Variants in CREB3L2 observed in about 807,000 individuals in gnomAD.
CREB3L2 encodes cyclic AMP-responsive element-binding protein 3-like protein 2.
CREB3L2 carries 23 observed loss-of-function variants against 57.2 expected under a neutral mutation model. The observed-to-expected ratio is 0.40, with a 90% confidence interval of 0.29 to 0.57. The LOEUF is 0.57. Among genes scored for constraint, CREB3L2 ranks in the 20% least tolerant of loss-of-function variants. The pLI is 0.42. For synonymous variants in CREB3L2, 268 were observed against 265.1 expected (o/e 1.01, Z -0.11); for missense variants, 628 against 634.7 (o/e 0.99, Z 0.11).
At chr7:137,969,561 C>T (rs1269869588) in intron 1 of CREB3L2, among the ~76,000 whole-genome samples, 4 of 151,836 alleles carry the variant, frequency 2.6e-5, no homozygotes, top group Admixed American at 2.0e-4. Context: ...CCATGTTAAC[C>T]GGGATGGTCT....
intron 1 of CREB3L2, chr7:137,953,540 G>C (rs1055976899): frequency 1.6e-6 from 2 of 1,287,748 alleles, no homozygotes; most frequent in African/African-American, 3.0e-5. Context: ...CGGGTTTGCA[G>C]AGGAGGGGAG....
intron 1 of CREB3L2, among the ~76,000 whole-genome samples, chr7:137,969,541 C>T (rs924866315): frequency 7.3e-5 from 11 of 151,566 alleles, no homozygotes; most frequent in East Asian, 1.9e-4. Flanking sequence ...TTAGTAGAGA[C>T]GGGATTTCAC....
chr7:137,979,521 C>T (rs55697037), intron 1 of CREB3L2, among the ~76,000 whole-genome samples: 2 of 152,138 alleles, frequency 1.3e-5, no homozygotes, highest in Admixed American at 6.5e-5. Flanking sequence ...GTCAGGAGAT[C>T]GAGACCATCC....
rs1491237233 is a variant in CREB3L2 at position 137,922,415 on chromosome 7, T to TATATATATATAC, written c.319+5734_319+5735insGTATATATATAT. 7.8e-4 allele frequency among the ~76,000 whole-genome samples: 18 copies of TATATATATATAC among 23,144 alleles called. 1 individual carries two copies. Among genetic ancestry groups the TATATATATATAC allele is most frequent in the African/African-American group, 2.3e-3 (17 of 7,374 alleles). The allele number at this position is 23,144 out of a possible 152,430, so 15.2% of individuals were successfully genotyped here. ...ATATATATATATATATATATATATA[T>TATATATATATAC]GTATATATATATATATATATACGTA... On this transcript the variant is annotated intron_variant, in intron 2 of 11. Transcript: ENST00000330387.
chr7:137,886,867 C>T (rs1799430457), intron 8 of CREB3L2, among the ~76,000 whole-genome samples: 1 of 152,106 alleles, frequency 6.6e-6, no homozygotes, highest in Non-Finnish European at 1.5e-5. Context: ...AAATTCTTTG[C>T]AAATTCTGAA....
At chr7:137,929,844 G>C (rs558737055) in intron 1 of CREB3L2, among the ~76,000 whole-genome samples, 6 of 149,310 alleles carry the variant, frequency 4.0e-5, no homozygotes, top group Admixed American at 3.3e-4. Flanking sequence ...ACTCCAGCCC[G>C]GGCAACAGTG....
At chr7:137,998,078 T>C (rs1358759100) in intron 1 of CREB3L2, among the ~76,000 whole-genome samples, 2 of 152,222 alleles carry the variant, frequency 1.3e-5, no homozygotes, top group African/African-American at 4.8e-5. Flanking sequence ...GCTTTAGCAA[T>C]TCAGGATCTA....
intron 1 of CREB3L2, among the ~76,000 whole-genome samples, chr7:137,946,844 C>CTATATAGTTATATATATAGTTATA (rs1800996142): frequency 2.1e-4 from 6 of 28,894 alleles, no homozygotes; most frequent in African/African-American, 1.1e-3. Flanking sequence ...ATATAGTTAT[C>CTATATAGTTATATATATAGTTATA]TATATAGTTA....
In CREB3L2 at chr7:137,876,845, T is replaced by C. The variant is rs1431465715; in HGVS notation, c.*3631A>G. On this transcript the variant is annotated 3_prime_UTR_variant, in exon 12 of 12. Coordinates refer to ENST00000330387, the MANE Select transcript of CREB3L2 (RefSeq NM_194071.4). Reference sequence around the variant, plus strand: ...GGGAGGATGAAGGTCTTCTAGTGCATCTCTGCCCTCTCCGTGTTGGCAAGG... The same window carrying C: ...GGGAGGATGAAGGTCTTCTAGTGCACCTCTGCCCTCTCCGTGTTGGCAAGG... 1 of 232,138 alleles carries C rather than the reference T, an allele frequency of 4.3e-6. No individual in the cohort carries two copies. The highest frequency in any genetic ancestry group is 6.1e-5 in the East Asian group (1 of 16,460). The allele number at this position is 232,138 out of a possible 1,614,324, so 14.4% of individuals were successfully genotyped here. A position where few individuals can be genotyped will look rare whatever the true frequency, so the allele number is the denominator to read the frequency against.
rs373878627 is a variant in CREB3L2 at position 137,915,821 on chromosome 7, C to T, written c.495+16G>A. 96 of 1,609,562 alleles carry T rather than the reference C, an allele frequency of 6.0e-5. No homozygotes were observed. The highest frequency in any genetic ancestry group is 7.0e-5 in the Non-Finnish European group (82 of 1,177,876). On this transcript the variant is annotated intron_variant, in intron 3 of 11. Transcript: ENST00000330387. ...TTTTAATCCAACCTGTTTAAACAGA[C>T]GAAAATTGAGCATACCCCAGTGTTC...
chr7:137,927,278 G>GAAAGGAAAGGAGGA lies in CREB3L2; in HGVS notation c.319+871_319+872insTCCTCCTTTCCTTT, dbSNP rs35701640. Among the ~76,000 whole-genome samples, 32 of 136,624 alleles carry GAAAGGAAAGGAGGA rather than the reference G, an allele frequency of 2.3e-4. 1 individual carries two copies. Among genetic ancestry groups the GAAAGGAAAGGAGGA allele is most frequent in the African/African-American group, 9.6e-4 (31 of 32,130 alleles). The allele number at this position is 136,624 out of a possible 152,430, so 89.6% of individuals were successfully genotyped here. On this transcript the variant is annotated intron_variant, in intron 2 of 11. Coordinates refer to ENST00000330387, the MANE Select transcript of CREB3L2 (RefSeq NM_194071.4). Reference sequence around the variant, plus strand: ...GAACAGAACGGAAAGGAAAGGAAAGGAGGAAGGAAGGAAGGAAGGGTGGGA... The same window carrying GAAAGGAAAGGAGGA: ...GAACAGAACGGAAAGGAAAGGAAAGGAAAGGAAAGGAGGAAGGAAGGAAGGAAGGAAGGGTGGGA...
At chr7:137,920,067 T>C (rs10250614) in intron 2 of CREB3L2, among the ~76,000 whole-genome samples, 8,552 of 152,236 alleles carry the variant, frequency 0.056, 783 homozygotes, top group African/African-American at 0.19. Context: ...TAGAAGCCCT[T>C]GACTCAGTAA....
chr7:137,885,101 G>T lies in CREB3L2; in HGVS notation c.1164C>A (p.Ala388=). The T allele has an allele frequency of 1.2e-6, 2 of 1,614,106 alleles. No individual in the cohort carries two copies. Among genetic ancestry groups the T allele is most frequent in the Non-Finnish European group, 1.7e-6 (2 of 1,180,018 alleles). Residue 388 remains alanine (A), a synonymous_variant, in exon 10 of 12, where the codon GCC becomes GCA. Transcript: ENST00000330387. ...TCLMVVVLCF[A]VAFGSFFQGY... is the part of the protein sequence containing the mutation. ...CTTGAAAGAAGCTGCCGAATGCAACGGCAAAGCACAGCACCACAACCTGTG... is the reference window on the plus strand; with the variant it reads ...CTTGAAAGAAGCTGCCGAATGCAACTGCAAAGCACAGCACCACAACCTGTG...
At chr7:137,890,400 A>G (rs1799507983) in intron 8 of CREB3L2, among the ~76,000 whole-genome samples, 1 of 152,242 alleles carries the variant, frequency 6.6e-6, no homozygotes, top group Admixed American at 6.5e-5. Context: ...AAACACCAAA[A>G]AAGCTGATGA....
intron 4 of CREB3L2, 190 bp downstream of exon 4, chr7:137,912,800 GA>G (rs1360666641): frequency 2.7e-6 from 4 of 1,483,466 alleles, no homozygotes; most frequent in Non-Finnish European, 3.6e-6. Context: ...GCATATATGG[GA>G]AAATAATAGT....
rs1802076682 is a variant in CREB3L2 at position 138,001,542 on chromosome 7, T to A, written c.102+62A>T. ...TCCCGGGTCCCAGGACTCCAGCTGC[T>A]CCTCGCGTGACAACACTTGCCCGCT... On this transcript the variant is annotated intron_variant, in intron 1 of 11. Coordinates refer to ENST00000330387, the MANE Select transcript of CREB3L2 (RefSeq NM_194071.4). The surrounding 1 kb of genome is among the most constrained non-coding windows in gnomAD (Gnocchi z 4.2). 1.5e-6 allele frequency: 2 copies of A among 1,297,650 alleles called. No homozygotes were observed. The highest frequency in any genetic ancestry group is 2.9e-5 in the African/African-American group (2 of 67,906). The allele number at this position is 1,297,650 out of a possible 1,614,324, so 80.4% of individuals were successfully genotyped here.
intron 2 of CREB3L2, chr7:137,922,545 C>T (rs1287151641): frequency 2.5e-6 from 1 of 399,982 alleles, no homozygotes; most frequent in African/African-American, 2.1e-5. Context: ...AGAGAATGGG[C>T]ATTTATTCTT....
At chr7:137,946,924 T>TTATATATATAGTTATATATATAGTTA (rs1563262371) in intron 1 of CREB3L2, among the ~76,000 whole-genome samples, 12 of 20,568 alleles carry the variant, frequency 5.8e-4, no homozygotes, top group Admixed American at 1.9e-3. Flanking sequence ...ATATATATAG[T>TTATATATATAGTTATATATATAGTTA]TATATATATA....
intron 1 of CREB3L2, among the ~76,000 whole-genome samples, chr7:137,984,393 C>T (rs1801761071): frequency 6.6e-6 from 1 of 152,186 alleles, no homozygotes; most frequent in Non-Finnish European, 1.5e-5. Context: ...TAGGTACTAC[C>T]CTTTCTGCTT....
Sources: allele counts gnomAD v4.1 joint callset (sites outside exome capture counted in the v4.1 genomes callset), GRCh38; gene constraint gnomAD v4.1.1; non-coding constraint Gnocchi (gnomAD v3.1); transcripts MANE v1.5; gene names NCBI Gene and HGNC (gene_info 2026-07-23, HGNC 2026-07-21).